MEP1A: variants seen among roughly 807,000 people sequenced by gnomAD.
MEP1A encodes N-benzoyl-L-tyrosyl-P-amino-benzoic acid hydrolase subunit alpha.
MEP1A carries 68 observed loss-of-function variants against 84.5 expected under a neutral mutation model. The ratio of observed to expected loss-of-function variants is 0.80; its 90% CI spans 0.66 to 0.98. MEP1A has a LOEUF of 0.98. MEP1A is among the 50% of genes least tolerant of loss of function. MEP1A has a pLI of 0.00. For missense variants in MEP1A, 887 were observed against 919.9 expected (o/e 0.96, Z 0.46); for synonymous variants, 337 against 336.8 (o/e 1.00, Z -0.01).
chr6:46,809,812 G>GTA (rs926379569), intron 6 of MEP1A, among the ~76,000 whole-genome samples: 96 of 147,672 alleles, frequency 6.5e-4, no homozygotes, highest in East Asian at 4.7e-3. Flanking sequence ...GTGTGTGTGT[G>GTA]TATATATATA....
intron 12 of MEP1A, 81 bp from the exon 13 acceptor site, chr6:46,835,168 G>A (rs1768185441): frequency 3.9e-6 from 5 of 1,278,540 alleles, no homozygotes; most frequent in East Asian, 2.5e-5. Context: ...AAGCAGGCTG[G>A]GGAACTTTCA....
chr6:46,838,878 C>T, intron 13 of MEP1A, 102 bp from the exon 14 acceptor site: 1 of 990,404 alleles, frequency 1.0e-6, no homozygotes, highest in Non-Finnish European at 1.5e-6. Flanking sequence ...TGGACCTGCT[C>T]AGTGAGCGTT....
chr6:46,811,998 G>C (rs1333749470), intron 6 of MEP1A, among the ~76,000 whole-genome samples: 1 of 152,012 alleles, frequency 6.6e-6, no homozygotes, highest in African/African-American at 2.4e-5. Flanking sequence ...AATGATTTAG[G>C]GAGGATTCCC....
chr6:46,806,039 A>G (rs1421375), intron 5 of MEP1A, among the ~76,000 whole-genome samples: 1 of 151,970 alleles, frequency 6.6e-6, no homozygotes, highest in Non-Finnish European at 1.5e-5. Context: ...TATAATACTG[A>G]TAGAATTTTC....
chr6:46,805,774 C>T (rs1251637681), intron 5 of MEP1A, among the ~76,000 whole-genome samples: 1 of 151,820 alleles, frequency 6.6e-6, no homozygotes, highest in Admixed American at 6.6e-5. Context: ...CCTGTTTGGG[C>T]TCACCAAGTT....
intron 3 of MEP1A, 79 bp from the exon 4 acceptor site, chr6:46,798,527 A>T: frequency 8.6e-7 from 1 of 1,161,086 alleles, no homozygotes. Flanking sequence ...ATAATGGCAA[A>T]TACTAATTTT....
At chr6:46,827,677 T>C (rs1306891711) in intron 9 of MEP1A, among the ~76,000 whole-genome samples, 1 of 152,074 alleles carries the variant, frequency 6.6e-6, no homozygotes, top group African/African-American at 2.4e-5. Context: ...TGGAAGAGGG[T>C]AAAAGCTTCT....
chr6:46,845,333 A>T, the MEP1A span, among the ~76,000 whole-genome samples: 1 of 152,200 alleles, frequency 6.6e-6, no homozygotes, highest in Non-Finnish European at 1.5e-5. Context: ...GAGCTGCCAA[A>T]TGGGGCCACG....
At chr6:46,817,525 A>G (rs1162987931) in intron 6 of MEP1A, among the ~76,000 whole-genome samples, 1 of 152,186 alleles carries the variant, frequency 6.6e-6, no homozygotes, top group East Asian at 1.9e-4. Flanking sequence ...TCTGACCTTC[A>G]AGGAAGTGCT....
In MEP1A at chr6:46,829,663, T is replaced by C. The variant is rs192871782; in HGVS notation, c.1144+92T>C. 1.5e-5 allele frequency: 13 copies of C among 888,474 alleles called. No individual in the cohort carries two copies. The East Asian group carries it at 2.9e-4, about 20-fold the overall frequency. 55.0% of individuals were successfully genotyped at this position (888,474 alleles called of 1,614,324 possible). ...TTCCCTCTTTCCTCCTACTCCTCCT[T>C]CTTCTCTCTCCTCCTCCTTTTCCTC... On this transcript the variant is annotated intron_variant, in intron 10 of 13. Coordinates refer to ENST00000230588, the MANE Select transcript of MEP1A (RefSeq NM_005588.3).
chr6:46,812,105 C>A (rs1056118457), intron 6 of MEP1A, among the ~76,000 whole-genome samples: 4 of 151,754 alleles, frequency 2.6e-5, no homozygotes, highest in Admixed American at 2.0e-4. Flanking sequence ...TGGTCCTGGA[C>A]TTTTTTTTGT....
intron 6 of MEP1A, among the ~76,000 whole-genome samples, chr6:46,816,400 A>G (rs2150748251): frequency 6.6e-6 from 1 of 152,248 alleles, no homozygotes; most frequent in East Asian, 1.9e-4. Context: ...AAATGAGTAT[A>G]TTGTCTTAAT....
chr6:46,832,721 G>A (rs1336553334), intron 10 of MEP1A, among the ~76,000 whole-genome samples: 1 of 152,116 alleles, frequency 6.6e-6, no homozygotes, highest in African/African-American at 2.4e-5. Context: ...TATTTTATAT[G>A]ATTCAGCCTA....
chr6:46,822,492 C>T (rs938413329), intron 7 of MEP1A, among the ~76,000 whole-genome samples: 14 of 152,158 alleles, frequency 9.2e-5, no homozygotes. Flanking sequence ...TAAGTATTCT[C>T]ATAAGAATCC....
At chr6:46,803,892 T>C (rs1428072873) in intron 5 of MEP1A, among the ~76,000 whole-genome samples, 1 of 151,698 alleles carries the variant, frequency 6.6e-6, no homozygotes, top group African/African-American at 2.4e-5. Context: ...TTTTTAAAAA[T>C]ATTGTCCTTA....
chr6:46,830,987 A>T (rs1768062312), intron 10 of MEP1A, among the ~76,000 whole-genome samples: 2 of 152,216 alleles, frequency 1.3e-5, no homozygotes, highest in Admixed American at 1.3e-4. Context: ...ATCTAAAGCT[A>T]AAAGCGTTAC....
intron 6 of MEP1A, among the ~76,000 whole-genome samples, chr6:46,816,475 G>A (rs1413663630): frequency 1.3e-5 from 2 of 152,082 alleles, no homozygotes; most frequent in East Asian, 3.9e-4. Flanking sequence ...AGTGTGGGAT[G>A]AAGCATCAGG....
At chr6:46,815,254 G>T (rs913568275) in intron 6 of MEP1A, among the ~76,000 whole-genome samples, 2 of 152,168 alleles carry the variant, frequency 1.3e-5, no homozygotes, top group Non-Finnish European at 1.5e-5. Flanking sequence ...TCCTTGGGCA[G>T]GGCTTGCTGT....
At chr6:46,838,286 G>A (rs1173872478) in intron 13 of MEP1A, among the ~76,000 whole-genome samples, 1 of 152,144 alleles carries the variant, frequency 6.6e-6, no homozygotes, top group Non-Finnish European at 1.5e-5. Context: ...GGCTGGAATT[G>A]TTACAAAGGT....
Sources: gnomAD v4.1 joint callset for allele counts (sites outside exome capture counted in the v4.1 genomes callset) on GRCh38, gnomAD v4.1.1 for gene constraint, MANE v1.5 for transcripts, NCBI Gene and HGNC (gene_info 2026-07-23, HGNC 2026-07-21) for gene names.